The following TEAD3 variants were observed in gnomAD, a reference collection of about 807,000 sequenced individuals.
TEAD3 encodes the protein TEA domain transcription factor 3.
TEAD3 carries 15 observed loss-of-function variants against 55.6 expected under a neutral mutation model. The observed-to-expected ratio is 0.27, with a 90% confidence interval of 0.18 to 0.42. The LOEUF (loss-of-function observed/expected upper bound fraction) is 0.42. TEAD3 is among the 10% of genes least tolerant of loss of function. The pLI is 1.00. For missense variants in TEAD3, 407 were observed against 576.8 expected (o/e 0.71, Z 3.01); for synonymous variants, 210 against 232.2 (o/e 0.90, Z 0.87).
Position 35,475,907 on chromosome 6 carries a change from AG to A in TEAD3, c.900+11del. ...AAGGGGGCTTGGAGCAGAGAAGGCCAGGGGGACTCACCCAGAACTTGACAAG... is the reference window on the plus strand; with the variant it reads ...AAGGGGGCTTGGAGCAGAGAAGGCCAGGGGACTCACCCAGAACTTGACAAG... On this transcript the variant is annotated intron_variant, in intron 10 of 12. Coordinates refer to ENST00000639578, the Ensembl canonical transcript of TEAD3. This position sits in a 1 kb window ranked among gnomAD's most constrained non-coding sequence, Gnocchi z 5.4. The A allele has an allele frequency of 6.6e-7, 1 of 1,520,448 alleles. No individual in the cohort carries two copies. The highest frequency in any genetic ancestry group is 8.8e-7 in the Non-Finnish European group (1 of 1,136,096). The allele number at this position is 1,520,448 out of a possible 1,614,324, so 94.2% of individuals were successfully genotyped here.
Position 35,486,441 on chromosome 6 carries a change from C to G in TEAD3, c.202+20G>C. On this transcript the variant is annotated intron_variant, in intron 2 of 12. Transcript: ENST00000639578. The surrounding 1 kb of genome is among the most constrained non-coding windows in gnomAD (Gnocchi z 7.3). ...GCAGGGGGAAGGGCCGCAGTCCCGC[C>G]CGCGCCCCCCGGCACGCACCGTACA... The G allele has an allele frequency of 6.2e-7, 1 of 1,601,262 alleles. No individual in the cohort carries two copies. Among genetic ancestry groups the G allele is most frequent in the Non-Finnish European group, 8.5e-7 (1 of 1,171,358 alleles).
chr6:35,494,686 G>A (rs1263478713), intron 1 of TEAD3, among the ~76,000 whole-genome samples: 1 of 152,208 alleles, frequency 6.6e-6, no homozygotes, highest in African/African-American at 2.4e-5. Flanking sequence ...AGGAGGAGGA[G>A]GGCAGGACCA....
At chr6:35,481,590 C>T (rs893110985) in intron 3 of TEAD3, among the ~76,000 whole-genome samples, 2 of 152,196 alleles carry the variant, frequency 1.3e-5, no homozygotes, top group Non-Finnish European at 2.9e-5. Context: ...CAGATACTAT[C>T]GTCCTCTGCA....
rs1446489189 is a variant in TEAD3 at position 35,484,010 on chromosome 6, T to A, written c.267+550A>T. Among the ~76,000 whole-genome samples, 1 of 152,022 alleles carries A rather than the reference T, an allele frequency of 6.6e-6. No homozygotes were observed. Among genetic ancestry groups the A allele is most frequent in the East Asian group, 1.9e-4 (1 of 5,180 alleles). On this transcript the variant is annotated intron_variant, in intron 3 of 12. Coordinates refer to ENST00000639578, the Ensembl canonical transcript of TEAD3. The surrounding 1 kb of genome is among the most constrained non-coding windows in gnomAD (Gnocchi z 5.8). ...AACTTCCTCAGCCTGGAAGGAAGGG[T>A]CTTCTCCCTTTTCTCTGCCTTGCGA...
intron 1 of TEAD3, among the ~76,000 whole-genome samples, chr6:35,493,149 C>G (rs1432166424): frequency 6.6e-6 from 1 of 152,214 alleles, no homozygotes; most frequent in Non-Finnish European, 1.5e-5. Flanking sequence ...TGCTCATTCA[C>G]TGTTACCCGC....
At chr6:35,482,230 C>T (rs571991365) in intron 3 of TEAD3, among the ~76,000 whole-genome samples, 93 of 152,326 alleles carry the variant, frequency 6.1e-4, no homozygotes, top group Non-Finnish European at 1.1e-3. Flanking sequence ...AGTGATCCAC[C>T]TGCCTCGGCC....
In TEAD3 at chr6:35,496,637, C is replaced by G. The variant is rs902762760; in HGVS notation, c.-50+261G>C. ...GGGACAGGCGACGGCACAGGGGACA[C>G]GGTCTCCCCGGCTTCCCCACCTTCC... is the stretch of plus-strand genomic sequence containing the variant. On this transcript the variant is annotated intron_variant, in intron 1 of 12. Transcript: ENST00000639578. The surrounding 1 kb of genome is among the most constrained non-coding windows in gnomAD (Gnocchi z 4.8). Among the ~76,000 whole-genome samples, 1 of 152,190 alleles carries G rather than the reference C, an allele frequency of 6.6e-6. No individual in the cohort carries two copies. The highest frequency in any genetic ancestry group is 2.4e-5 in the African/African-American group (1 of 41,454).
intron 1 of TEAD3, among the ~76,000 whole-genome samples, chr6:35,490,059 G>T (rs914822955): frequency 1.3e-5 from 2 of 152,092 alleles, no homozygotes; most frequent in Non-Finnish European, 2.9e-5. Context: ...GCTACAATGA[G>T]CTAAGGCCCC....
Position 35,486,563 on chromosome 6 carries a change from C to T in TEAD3, c.100G>A (p.Val34Met). The T allele has an allele frequency of 6.2e-7, 1 of 1,613,630 alleles. No individual in the cohort carries two copies. Among genetic ancestry groups the T allele is most frequent in the Non-Finnish European group, 8.5e-7 (1 of 1,179,802 alleles). The change falls in exon 2 of 13, where the codon GTG (valine) becomes ATG (methionine). Residue 34 changes from valine (V) to methionine (M), a missense_variant. Val to Met is a conservative substitution (Grantham distance 21, BLOSUM62 1). Transcript: ENST00000639578. This position sits in a 1 kb window ranked among gnomAD's most constrained non-coding sequence, Gnocchi z 7.3. ...CTCTGCTCGATGTCCGGGCTCCACA[C>T]GCCCTCCGCATCGTTGTCCAGCCCC...
chr6:35,486,832 G>A lies in TEAD3; in HGVS notation c.-49-121C>T. On this transcript the variant is annotated intron_variant, in intron 1 of 12. Coordinates refer to ENST00000639578, the Ensembl canonical transcript of TEAD3. The surrounding 1 kb of genome is among the most constrained non-coding windows in gnomAD (Gnocchi z 7.3). Reference sequence around the variant, plus strand: ...CCCCAAGCCCACCCTAGGAGCAGGTGCTCCAGGTGGAACGGAGGTAACCAG... The same window carrying A: ...CCCCAAGCCCACCCTAGGAGCAGGTACTCCAGGTGGAACGGAGGTAACCAG... 1.5e-6 allele frequency: 1 copy of A among 671,970 alleles called. No individual in the cohort carries two copies. Among genetic ancestry groups the A allele is most frequent in the Non-Finnish European group, 2.5e-6 (1 of 402,668 alleles). 41.6% of individuals were successfully genotyped at this position (671,970 alleles called of 1,614,324 possible).
rs770283141 is a variant in TEAD3 at position 35,486,447 on chromosome 6, C to G, written c.202+14G>C. ...GGAAGGGCCGCAGTCCCGCCCGCGCCCCCCGGCACGCACCGTACATCTTGC... is the reference window on the plus strand; with the variant it reads ...GGAAGGGCCGCAGTCCCGCCCGCGCGCCCCGGCACGCACCGTACATCTTGC... On this transcript the variant is annotated intron_variant, in intron 2 of 12. Coordinates refer to ENST00000639578, the Ensembl canonical transcript of TEAD3. This position sits in a 1 kb window ranked among gnomAD's most constrained non-coding sequence, Gnocchi z 7.3. 6 of 1,603,826 alleles carry G rather than the reference C, an allele frequency of 3.7e-6. No individual in the cohort carries two copies. Among genetic ancestry groups the G allele is most frequent in the Non-Finnish European group, 5.1e-6 (6 of 1,172,860 alleles).
intron 1 of TEAD3, among the ~76,000 whole-genome samples, chr6:35,489,049 G>A (rs779239148): frequency 3.9e-5 from 6 of 152,198 alleles, no homozygotes; most frequent in Non-Finnish European, 8.8e-5. Flanking sequence ...GAGCCACTGC[G>A]CCCGGCCCTT....
Position 35,488,525 on chromosome 6 carries a change from T to G in TEAD3, c.-49-1814A>C, listed in dbSNP as rs1768435732. On this transcript the variant is annotated intron_variant, in intron 1 of 12. Transcript: ENST00000639578. The surrounding 1 kb of genome is among the most constrained non-coding windows in gnomAD (Gnocchi z 4.2). ...CAGGGAAAGGGGAGGGGTGGAGATG[T>G]AGGGGACACCGTCAGAAGCCAGGGA... Among the ~76,000 whole-genome samples, 1 of 151,892 alleles carries G rather than the reference T, an allele frequency of 6.6e-6. No individual in the cohort carries two copies. Among genetic ancestry groups the G allele is most frequent in the Admixed American group, 6.6e-5 (1 of 15,260 alleles).
chr6:35,478,152 G>T (rs561978944), intron 7 of TEAD3, 123 bp downstream of exon 7: 45 of 1,221,360 alleles, frequency 3.7e-5, no homozygotes, highest in African/African-American at 2.4e-4. Context: ...CCACCACCCA[G>T]CCTGCATCCC....
At chr6:35,476,321 A>C (rs2150910611) in exon 9 of TEAD3, 1 of 1,611,990 alleles carries the variant, frequency 6.2e-7, no homozygotes, top group Non-Finnish European at 8.5e-7. Flanking sequence ...GTCTCGCTGC[A>C]CCTCCATGAA....
chr6:35,493,159 C>T (rs1458548808), intron 1 of TEAD3, among the ~76,000 whole-genome samples: 2 of 152,200 alleles, frequency 1.3e-5, no homozygotes, highest in Non-Finnish European at 2.9e-5. Flanking sequence ...CTGTTACCCG[C>T]ATCTCTCTCC....
At chr6:35,490,296 G>T (rs901510588) in intron 1 of TEAD3, among the ~76,000 whole-genome samples, 1 of 152,326 alleles carries the variant, frequency 6.6e-6, no homozygotes, top group Non-Finnish European at 1.5e-5. Flanking sequence ...AGACTGGGGG[G>T]GCGGGGCAGG....
chr6:35,478,240 G>A, intron 7 of TEAD3, 35 bp downstream of exon 7: 2 of 1,611,866 alleles, frequency 1.2e-6, no homozygotes, highest in Non-Finnish European at 1.7e-6. Flanking sequence ...CTGCCAGGAG[G>A]AAGAGGGCGT....
chr6:35,484,688 C>T lies in TEAD3; in HGVS notation c.203-64G>A. The T allele has an allele frequency of 6.8e-7, 1 of 1,467,700 alleles. No individual in the cohort carries two copies. The highest frequency in any genetic ancestry group is 9.3e-7 in the Non-Finnish European group (1 of 1,070,832). 90.9% of individuals were successfully genotyped at this position (1,467,700 alleles called of 1,614,324 possible). Reference sequence around the variant, plus strand: ...GGGTGGAGCCAGAGGCTGGAGGCCCCCACCCCACCGGGAAGCCACTCCAGG... The same window carrying T: ...GGGTGGAGCCAGAGGCTGGAGGCCCTCACCCCACCGGGAAGCCACTCCAGG... On this transcript the variant is annotated intron_variant, in intron 2 of 12. Transcript: ENST00000639578. This position sits in a 1 kb window ranked among gnomAD's most constrained non-coding sequence, Gnocchi z 5.8.
Sources: allele counts gnomAD v4.1 joint callset (sites outside exome capture counted in the v4.1 genomes callset), GRCh38; gene constraint gnomAD v4.1.1; non-coding constraint Gnocchi (gnomAD v3.1); transcripts MANE v1.5; gene names NCBI Gene and HGNC (gene_info 2026-07-23, HGNC 2026-07-21).